The following SORCS3 variants were observed in gnomAD, a reference collection of about 807,000 sequenced individuals.
The protein encoded by SORCS3 is sortilin related VPS10 domain containing receptor 3, also known as VPS10 domain-containing receptor SorCS3.
A neutral mutation model predicts 146.3 loss-of-function variants in SORCS3; 57 were observed. The observed-to-expected ratio is 0.39, with a 90% CI of 0.31 to 0.49. SORCS3 has a LOEUF of 0.49. Ranked by LOEUF, SORCS3 falls within the 20% of genes least tolerant of loss-of-function variation. SORCS3 has a pLI of 0.92. For missense variants in SORCS3, 1,341 were observed against 1,575.5 expected (o/e 0.85, Z 2.52); for synonymous variants, 653 against 618.5 (o/e 1.06, Z -0.83).
At chr10:105,060,666 C>T (rs1024500292) in intron 5 of SORCS3, among the ~76,000 whole-genome samples, 4 of 152,122 alleles carry the variant, frequency 2.6e-5, no homozygotes, top group East Asian at 1.9e-4. Flanking sequence ...AGTCTGGGCG[C>T]GGTGGCTCAA....
chr10:104,710,946 G>A (rs2016408227), intron 1 of SORCS3, among the ~76,000 whole-genome samples: 1 of 152,160 alleles, frequency 6.6e-6, no homozygotes, highest in Non-Finnish European at 1.5e-5. Context: ...GGAACAAAAT[G>A]TTGGGAGATT....
chr10:105,129,868 C>T (rs967682834), intron 7 of SORCS3, among the ~76,000 whole-genome samples: 2 of 152,108 alleles, frequency 1.3e-5, no homozygotes, highest in African/African-American at 2.4e-5. Flanking sequence ...TTCATCTTGG[C>T]TGAGGGCAAG....
intron 1 of SORCS3, among the ~76,000 whole-genome samples, chr10:104,782,395 G>T (rs1332497519): frequency 1.3e-5 from 2 of 152,144 alleles, no homozygotes; most frequent in African/African-American, 4.8e-5. Flanking sequence ...TGTTGAGGCT[G>T]TGTTGCTTCC....
At chr10:104,744,027 A>T (rs770179027) in intron 1 of SORCS3, among the ~76,000 whole-genome samples, 7 of 152,184 alleles carry the variant, frequency 4.6e-5, no homozygotes, top group Admixed American at 2.6e-4. Flanking sequence ...ACCTCATTTG[A>T]TCTTCACAAC....
chr10:105,042,661 G>C (rs565334944), intron 4 of SORCS3, among the ~76,000 whole-genome samples: 3 of 152,124 alleles, frequency 2.0e-5, no homozygotes, highest in Non-Finnish European at 2.9e-5. Flanking sequence ...ATGATCTATA[G>C]AGCAGTAAGA....
At chr10:104,948,602 G>A (rs7069628) in intron 3 of SORCS3, among the ~76,000 whole-genome samples, 6,518 of 152,236 alleles carry the variant, frequency 0.043, 174 homozygotes, top group East Asian at 0.14. Flanking sequence ...TTAACTTTCC[G>A]GTTCGATGTC....
intron 4 of SORCS3, among the ~76,000 whole-genome samples, chr10:104,980,645 C>G (rs533515108): frequency 6.6e-6 from 1 of 152,102 alleles, no homozygotes; most frequent in Non-Finnish European, 1.5e-5. Context: ...AGGAGTGAAT[C>G]GATGTTTCCA....
intron 20 of SORCS3, among the ~76,000 whole-genome samples, chr10:105,240,189 C>T (rs2119712161): frequency 6.6e-6 from 1 of 152,302 alleles, no homozygotes; most frequent in South Asian, 2.1e-4. Context: ...TCTGCTAGGA[C>T]AGGAAGAATT....
At chr10:104,940,743 C>A (rs956049370) in intron 3 of SORCS3, among the ~76,000 whole-genome samples, 1 of 151,822 alleles carries the variant, frequency 6.6e-6, no homozygotes, top group African/African-American at 2.4e-5. Flanking sequence ...AAAGAGGACA[C>A]AAACAAATGG....
Position 104,734,110 on chromosome 10 carries a change from G to A in SORCS3, c.627+92156G>A, listed in dbSNP as rs569619919. Among the ~76,000 whole-genome samples the A allele has an allele frequency of 5.6e-4, 85 of 152,214 alleles. 1 individual carries two copies. Among genetic ancestry groups the A allele is most frequent in the Middle Eastern group, 3.4e-3 (1 of 294 alleles). On this transcript the variant is annotated intron_variant, in intron 1 of 26. Coordinates refer to ENST00000369701, the MANE Select transcript of SORCS3 (RefSeq NM_014978.3). ...TGTGTGAGTAGATGTATGTTGGGTT[G>A]GCTTAATCTAAAATGTAAACAAAAT...
At chr10:104,827,746 A>C (rs776877840) in intron 1 of SORCS3, among the ~76,000 whole-genome samples, 6 of 152,220 alleles carry the variant, frequency 3.9e-5, no homozygotes, top group Non-Finnish European at 7.3e-5. Context: ...TTCCAACAGA[A>C]GGCTGTTGGT....
chr10:104,663,080 C>G (rs558551637), intron 1 of SORCS3, among the ~76,000 whole-genome samples: 4 of 152,176 alleles, frequency 2.6e-5, no homozygotes, highest in African/African-American at 7.2e-5. Context: ...TGGGAGCTGC[C>G]GGCTGCCTTC....
At chr10:105,028,682 G>A (rs979135998) in intron 4 of SORCS3, among the ~76,000 whole-genome samples, 2 of 152,168 alleles carry the variant, frequency 1.3e-5, no homozygotes, top group Non-Finnish European at 2.9e-5. Flanking sequence ...ATAATCAAAC[G>A]TCCTCCACAG....
chr10:104,830,427 C>T (rs1457537557), intron 1 of SORCS3, among the ~76,000 whole-genome samples: 3 of 152,152 alleles, frequency 2.0e-5, no homozygotes, highest in Non-Finnish European at 4.4e-5. Context: ...GTCTCTCCCA[C>T]CTAGGTTCCT....
chr10:104,712,354 A>G (rs1420947533), intron 1 of SORCS3, among the ~76,000 whole-genome samples: 1 of 152,154 alleles, frequency 6.6e-6, no homozygotes, highest in Non-Finnish European at 1.5e-5. Flanking sequence ...TAATTTCCTA[A>G]TTAGTCTATT....
rs1009585406 is a variant in SORCS3, at chr10:104,997,115, G to C, written c.954+19622G>C. Among the ~76,000 whole-genome samples the C allele has an allele frequency of 1.2e-4, 18 of 152,302 alleles. No homozygotes were observed. In the South Asian group the frequency reaches 1.9e-3, roughly 16 times the overall value. On this transcript the variant is annotated intron_variant, in intron 4 of 26. Transcript: ENST00000369701. ...AGGGGAATAATAGGGGAATGTGATG[G>C]AGAATAATAGGAAATGTGATCAGAA...
intron 1 of SORCS3, among the ~76,000 whole-genome samples, chr10:104,773,037 AT>A (rs1227235891): frequency 1.3e-5 from 2 of 152,292 alleles, no homozygotes; most frequent in East Asian, 3.9e-4. Context: ...CTGTGGGGGT[AT>A]CTCATGGGGA....
At chr10:104,768,101 A>G (rs555741734) in intron 1 of SORCS3, among the ~76,000 whole-genome samples, 1 of 152,328 alleles carries the variant, frequency 6.6e-6, no homozygotes, top group Admixed American at 6.5e-5. Flanking sequence ...CAGAGCTTCT[A>G]AAGGTATGGT....
intron 2 of SORCS3, among the ~76,000 whole-genome samples, chr10:104,869,569 A>AC (rs1241972005): frequency 1.3e-5 from 2 of 152,214 alleles, no homozygotes; most frequent in African/African-American, 2.4e-5. Flanking sequence ...CAGTCAAATT[A>AC]ACACATAAAA....
Sources: allele counts gnomAD v4.1 joint callset (sites outside exome capture counted in the v4.1 genomes callset), GRCh38; gene constraint gnomAD v4.1.1; transcripts MANE v1.5; gene names NCBI Gene and HGNC (gene_info 2026-07-23, HGNC 2026-07-21).